Variants in CC2D2A observed in about 807,000 individuals in gnomAD.
The protein encoded by CC2D2A is coiled-coil and C2 domain containing 2A, also known as coiled-coil and C2 domain-containing protein 2A.
A neutral mutation model predicts 212.9 loss-of-function variants in CC2D2A; 155 were observed. The observed-to-expected ratio is 0.73, with a 90% CI of 0.64 to 0.83. CC2D2A has a LOEUF of 0.83. Among genes scored for constraint, CC2D2A ranks in the 40% least tolerant of loss-of-function variants. The pLI is 0.00. For missense variants in CC2D2A, 1,856 were observed against 1,956.2 expected, an observed-to-expected ratio of 0.95 and a Z score of 0.97; for synonymous variants, 667 against 686.5, an observed-to-expected ratio of 0.97 and a Z score of 0.44.
intron 17 of CC2D2A, among the ~76,000 whole-genome samples, chr4:15,546,083 C>G (rs1718694459): frequency 6.6e-6 from 1 of 151,830 alleles, no homozygotes; most frequent in African/African-American, 2.4e-5. Context: ...GCACTCCAGC[C>G]TGGGAGACAG....
chr4:15,507,311 A>C (rs1716317918), intron 6 of CC2D2A, among the ~76,000 whole-genome samples: 1 of 152,180 alleles, frequency 6.6e-6, no homozygotes, highest in South Asian at 2.1e-4. Context: ...TTCAACATAA[A>C]AGGAAACTGT....
rs375782772 is a variant in CC2D2A, at chr4:15,586,139, C to T, written c.3976-18C>T. ...TTTATTATAAATTATTTTTGTAAAG[C>T]TCATTTTGATTATACAGGAACTGGT... On this transcript the variant is annotated intron_variant, in intron 30 of 36. Coordinates refer to ENST00000424120, the MANE Select transcript of CC2D2A (RefSeq NM_001378615.1). The T allele has an allele frequency of 6.4e-7, 1 of 1,568,056 alleles. No individual in the cohort carries two copies.
chr4:15,593,538 A>G (rs908269654), intron 33 of CC2D2A, among the ~76,000 whole-genome samples: 1 of 152,174 alleles, frequency 6.6e-6, no homozygotes, highest in Non-Finnish European at 1.5e-5. Context: ...CAAATATCCA[A>G]TCACCGACTC....
chr4:15,555,092 C>G lies in CC2D2A; in HGVS notation c.2507C>G (p.Ala836Gly), dbSNP rs1355063676. 1 of 1,612,574 alleles carries G rather than the reference C, an allele frequency of 6.2e-7. No individual in the cohort carries two copies. Among genetic ancestry groups the G allele is most frequent in the Non-Finnish European group, 8.5e-7 (1 of 1,179,322 alleles). The change falls in exon 20 of 37, where the codon GCC becomes GGC. Residue 836 changes from alanine (A) to glycine (G), a missense_variant. By Grantham distance (60) the Ala-to-Gly change is moderately conservative. Coordinates refer to ENST00000424120, the MANE Select transcript of CC2D2A (RefSeq NM_001378615.1). ...TTCAGTGCTTTGAAGAAAGCAGATG[C>G]CATCTCATCTATTGGCACATCAGGA... is the stretch of plus-strand genomic sequence containing the variant. ...GFRSALKKAD[A>G]ISSIGTSGLT...
chr4:15,601,220 A>G lies in CC2D2A; in HGVS notation c.4675-17A>G. ...CTTCAAACTTCACTAATGACTACAA[A>G]TGTTTTTTCCCTTCAGTTCTCTGGA... On this transcript the variant is annotated splice_polypyrimidine_tract_variant and intron_variant, in intron 36 of 36. Transcript: ENST00000424120. 1 of 1,600,884 alleles carries G rather than the reference A, an allele frequency of 6.2e-7. No individual in the cohort carries two copies. The highest frequency in any genetic ancestry group is 8.5e-7 in the Non-Finnish European group (1 of 1,170,524).
At chr4:15,562,175 G>A (rs1719638168) in intron 23 of CC2D2A, among the ~76,000 whole-genome samples, 1 of 152,224 alleles carries the variant, frequency 6.6e-6, no homozygotes, top group Non-Finnish European at 1.5e-5. Context: ...GACAGGAGCT[G>A]CAGAGACCTC....
chr4:15,548,620 A>C lies in CC2D2A; in HGVS notation c.2182-2204A>C, dbSNP rs1184280607. 4.6e-5 allele frequency among the ~76,000 whole-genome samples: 7 copies of C among 152,298 alleles called. No individual in the cohort carries two copies. In the East Asian group the frequency reaches 1.3e-3, roughly 29 times the overall value. ...TTCATTTCAAACAAAATGAAAGAAAACACATCATTTTCTTGGGAAAAGACT... is the reference window on the plus strand; with the variant it reads ...TTCATTTCAAACAAAATGAAAGAAACCACATCATTTTCTTGGGAAAAGACT... On this transcript the variant is annotated intron_variant, in intron 17 of 36. Transcript: ENST00000424120.
chr4:15,517,642 A>G (rs1716962048), intron 11 of CC2D2A, among the ~76,000 whole-genome samples: 1 of 152,176 alleles, frequency 6.6e-6, no homozygotes, highest in Non-Finnish European at 1.5e-5. Context: ...TAAGTGTCTA[A>G]AACAGACCTA....
intron 35 of CC2D2A, 21 bp from the exon 36 acceptor site, chr4:15,599,508 G>C (rs1721479286): frequency 6.8e-7 from 1 of 1,480,404 alleles, no homozygotes; most frequent in African/African-American, 1.4e-5. Flanking sequence ...CCAAAAAATG[G>C]AATTTATGTT....
intron 9 of CC2D2A, among the ~76,000 whole-genome samples, chr4:15,515,510 T>C (rs1323761009): frequency 6.6e-6 from 1 of 152,204 alleles, no homozygotes; most frequent in Non-Finnish European, 1.5e-5. Context: ...AGTATCTCTT[T>C]TGTACAGGAG....
intron 6 of CC2D2A, among the ~76,000 whole-genome samples, chr4:15,503,600 T>G (rs1436753045): frequency 6.7e-6 from 1 of 148,542 alleles, no homozygotes; most frequent in African/African-American, 2.5e-5. Context: ...GGGAGAGAGA[T>G]AAAAGTGCAG....
intron 14 of CC2D2A, among the ~76,000 whole-genome samples, 199 bp from the exon 15 acceptor site, chr4:15,536,721 A>G (rs1718151086): frequency 6.6e-6 from 1 of 152,182 alleles, no homozygotes; most frequent in South Asian, 2.1e-4. Flanking sequence ...GAACTTACTT[A>G]ACTTCTATGT....
chr4:15,579,947 A>C (rs1024138045), intron 29 of CC2D2A, 21 bp from the exon 30 acceptor site: 85 of 1,589,626 alleles, frequency 5.3e-5, no homozygotes, highest in Non-Finnish European at 7.0e-5. Context: ...CATAAACTCC[A>C]TGAAGTCTTT....
chr4:15,558,148 A>G (rs1719384425), intron 21 of CC2D2A, among the ~76,000 whole-genome samples: 1 of 152,088 alleles, frequency 6.6e-6, no homozygotes, highest in Non-Finnish European at 1.5e-5. Flanking sequence ...AGATGCATGC[A>G]CTTTTTTTTT....
At chr4:15,552,776 T>G (rs1719074643) in intron 18 of CC2D2A, among the ~76,000 whole-genome samples, 2 of 152,340 alleles carry the variant, frequency 1.3e-5, no homozygotes, top group Admixed American at 6.5e-5. Flanking sequence ...GAAGCTCAAA[T>G]AAGTACTTTG....
intron 1 of CC2D2A, among the ~76,000 whole-genome samples, chr4:15,474,981 G>A (rs1326246636): frequency 6.6e-6 from 1 of 152,188 alleles, no homozygotes; most frequent in Non-Finnish European, 1.5e-5. Context: ...AAAGTTAAGA[G>A]AGGGCTTTTT....
At chr4:15,533,822 T>C (rs905262678) in intron 14 of CC2D2A, among the ~76,000 whole-genome samples, 1 of 152,246 alleles carries the variant, frequency 6.6e-6, no homozygotes, top group African/African-American at 2.4e-5. Flanking sequence ...TTTATTCCAT[T>C]TTCAACTGTT....
rs755258233 is a variant in CC2D2A at position 15,528,652 on chromosome 4, C to G, written c.1392C>G (p.Gly464=). ...CTTTAAGAAATGCTGTTCAGACTGG[C>G]CTTGATCCAGAAAAACCTCATCAGT... ...LQALRNAVQT[G]LDPEKPHQSL... is the part of the protein sequence containing the mutation. Residue 464 remains glycine (G), a synonymous_variant, in exon 13 of 37, where the codon GGC becomes GGG. Coordinates refer to ENST00000424120, the MANE Select transcript of CC2D2A (RefSeq NM_001378615.1). 1.2e-5 allele frequency: 20 copies of G among 1,613,734 alleles called. No individual in the cohort carries two copies. Among genetic ancestry groups the G allele is most frequent in the Non-Finnish European group, 1.4e-5 (17 of 1,179,818 alleles).
intron 33 of CC2D2A, among the ~76,000 whole-genome samples, chr4:15,591,603 T>A (rs1721111959): frequency 6.6e-6 from 1 of 152,220 alleles, no homozygotes; most frequent in Non-Finnish European, 1.5e-5. Context: ...GTCCTTCATG[T>A]GTTCAGCAAA....
Sources: allele counts gnomAD v4.1 joint callset (sites outside exome capture counted in the v4.1 genomes callset), GRCh38; gene constraint gnomAD v4.1.1; transcripts MANE v1.5; gene names NCBI Gene and HGNC (gene_info 2026-07-23, HGNC 2026-07-21).